The following PACRG variants were observed in gnomAD, a reference collection of about 807,000 sequenced individuals.
PACRG encodes parkin coregulated gene protein.
In PACRG, 29 loss-of-function variants were observed where a neutral mutation model predicts 29.7. The ratio of observed to expected loss-of-function variants is 0.98; its 90% CI spans 0.73 to 1.33. The LOEUF (loss-of-function observed/expected upper bound fraction) is 1.33. Among genes scored for constraint, PACRG ranks in the 40% most tolerant of loss-of-function variants. The pLI, the probability that PACRG is intolerant of heterozygous loss-of-function variation, is 0.00. For synonymous variants in PACRG, 116 were observed against 118.7 expected (o/e 0.98, Z 0.15); for missense variants, 279 against 316.2 (o/e 0.88, Z 0.89).
intron 2 of PACRG, among the ~76,000 whole-genome samples, chr6:162,970,657 C>T (rs1801451656): frequency 6.6e-6 from 1 of 152,214 alleles, no homozygotes; most frequent in Admixed American, 6.5e-5. Flanking sequence ...AATCCTAGAA[C>T]ATCCCGTTGT....
At chr6:162,752,020 A>G (rs1056609423) in intron 1 of PACRG, among the ~76,000 whole-genome samples, 5 of 152,200 alleles carry the variant, frequency 3.3e-5, no homozygotes, top group Non-Finnish European at 4.4e-5. Context: ...TACATGGCAC[A>G]TCTTAGGGAA....
At chr6:163,066,191 G>A (rs575376935) in intron 3 of PACRG, among the ~76,000 whole-genome samples, 3 of 152,288 alleles carry the variant, frequency 2.0e-5, no homozygotes, top group Non-Finnish European at 2.9e-5. Context: ...TCTGGACAGG[G>A]GAAAAAGCAA....
intron 4 of PACRG, among the ~76,000 whole-genome samples, chr6:163,248,740 G>T (rs1200635429): frequency 6.6e-6 from 1 of 152,132 alleles, no homozygotes; most frequent in Non-Finnish European, 1.5e-5. Context: ...TAGAAAAAGG[G>T]CATGACCCTC....
At chr6:163,222,766 A>G (rs1389505614) in intron 4 of PACRG, among the ~76,000 whole-genome samples, 1 of 152,214 alleles carries the variant, frequency 6.6e-6, no homozygotes, top group African/African-American at 2.4e-5. Flanking sequence ...TGCAGAACCC[A>G]ATATTGACAT....
At chr6:162,959,080 AC>A (rs1800391956) in intron 2 of PACRG, among the ~76,000 whole-genome samples, 1 of 108,360 alleles carries the variant, frequency 9.2e-6, no homozygotes, top group African/African-American at 6.2e-5. Flanking sequence ...TGCCTGGCTA[AC>A]TTTTTTTTTT....
chr6:163,233,199 A>T (rs941851346), intron 4 of PACRG, among the ~76,000 whole-genome samples: 1 of 152,166 alleles, frequency 6.6e-6, no homozygotes, highest in Non-Finnish European at 1.5e-5. Flanking sequence ...TATTTTTCTC[A>T]CCTACTTTCA....
At chr6:162,955,069 G>C (rs112422989) in intron 2 of PACRG, among the ~76,000 whole-genome samples, 1 of 152,062 alleles carries the variant, frequency 6.6e-6, no homozygotes, top group South Asian at 2.1e-4. Flanking sequence ...TAACGTACCT[G>C]GGTTTGAAAT....
intron 4 of PACRG, among the ~76,000 whole-genome samples, chr6:163,167,796 A>C (rs1388360491): frequency 6.6e-6 from 1 of 152,222 alleles, no homozygotes; most frequent in African/African-American, 2.4e-5. Context: ...AGGTTTTTGA[A>C]GTCCCACTTC....
At chr6:163,052,193 CAAT>C (rs994888800) in intron 2 of PACRG, among the ~76,000 whole-genome samples, 2 of 152,098 alleles carry the variant, frequency 1.3e-5, no homozygotes, top group African/African-American at 4.8e-5. Context: ...TGTAATAACT[CAAT>C]AGCTGCCTCA....
At chr6:163,020,300 G>T (rs1687424800) in intron 2 of PACRG, among the ~76,000 whole-genome samples, 1 of 152,212 alleles carries the variant, frequency 6.6e-6, no homozygotes, top group South Asian at 2.1e-4. Context: ...CAGTTACAGG[G>T]AACAGAGGAA....
chr6:162,747,459 A>T (rs11969209), intron 1 of PACRG, among the ~76,000 whole-genome samples: 1,232 of 44,270 alleles, frequency 0.028, 222 homozygotes, highest in African/African-American at 0.049. Context: ...TATAACTATA[A>T]ATATATATGT....
chr6:162,938,770 T>C (rs1396199732), intron 2 of PACRG, among the ~76,000 whole-genome samples: 1 of 152,232 alleles, frequency 6.6e-6, no homozygotes, highest in East Asian at 1.9e-4. Context: ...GAGCATTTTT[T>C]CATATGTTTG....
At position 163,314,821 on chromosome 6, in the gene PACRG, C is replaced by A. The variant is rs57286197; in HGVS notation, c.614-6C>A. ...ACTGGCCTCTTTGTGTGTTTGCATG[C>A]ACCAGTGAACTCCGGAGACGGCATT... On this transcript the variant is annotated splice_region_variant and splice_polypyrimidine_tract_variant and intron_variant, in intron 4 of 4. Transcript: ENST00000366888. The A allele has an allele frequency of 2.9e-3, 4,691 of 1,613,192 alleles. 113 individuals carry two copies. The African/African-American group carries it at 0.054, about 18-fold the overall frequency.
intron 2 of PACRG, among the ~76,000 whole-genome samples, chr6:162,976,899 TA>T (rs915836212): frequency 1.3e-4 from 19 of 151,988 alleles, no homozygotes; most frequent in East Asian, 1.9e-4. Flanking sequence ...TGCATGAATA[TA>T]AAAAAATACG....
chr6:163,153,070 A>G (rs1055888436), intron 4 of PACRG, among the ~76,000 whole-genome samples: 4 of 152,240 alleles, frequency 2.6e-5, no homozygotes, highest in African/African-American at 4.8e-5. Context: ...ATATGTATAG[A>G]CAAATTTCTA....
intron 4 of PACRG, among the ~76,000 whole-genome samples, chr6:163,213,568 G>A (rs1347132439): frequency 6.6e-6 from 1 of 152,074 alleles, no homozygotes; most frequent in Non-Finnish European, 1.5e-5. Context: ...GTTCTTTTTG[G>A]TGATAAATGA....
intron 3 of PACRG, among the ~76,000 whole-genome samples, chr6:163,072,422 AC>A (rs905844088): frequency 4.6e-5 from 7 of 152,256 alleles, no homozygotes; most frequent in Admixed American, 3.9e-4. Flanking sequence ...CATGATGAAA[AC>A]CCCTCAAAAA....
chr6:163,156,039 C>T lies in PACRG; in HGVS notation c.613+66631C>T, dbSNP rs180985795. On this transcript the variant is annotated intron_variant, in intron 4 of 4. Transcript: ENST00000366888. ...CCGAGACAGGCCGAGGGGCCCTTCG[C>T]AGCGCTCTCCTGAGGAAGCCCTCGC... 2.3e-3 allele frequency among the ~76,000 whole-genome samples: 348 copies of T among 152,338 alleles called. 2 individuals carry two copies. The highest frequency in any genetic ancestry group is 7.9e-3 in the African/African-American group (329 of 41,584).
At chr6:163,298,798 G>A (rs925168671) in intron 4 of PACRG, among the ~76,000 whole-genome samples, 1 of 152,132 alleles carries the variant, frequency 6.6e-6, no homozygotes, top group Non-Finnish European at 1.5e-5. Flanking sequence ...CGGTAACAAC[G>A]CATTCCAACC....
Sources: gnomAD v4.1 joint callset for allele counts (sites outside exome capture counted in the v4.1 genomes callset) on GRCh38, gnomAD v4.1.1 for gene constraint, MANE v1.5 for transcripts, NCBI Gene and HGNC (gene_info 2026-07-23, HGNC 2026-07-21) for gene names.